Variants in STRN observed in about 807,000 individuals in gnomAD.
STRN encodes the protein striatin.
Under a neutral mutation model 96.3 loss-of-function variants are expected in STRN, and 53 were observed. That is an observed-to-expected ratio of 0.55 (90% CI 0.44 to 0.69). The LOEUF is 0.69. STRN is among the 30% of genes least tolerant of loss of function. The pLI is 0.00. For missense variants in STRN, 987 were observed against 963.9 expected (o/e 1.02, Z -0.32); for synonymous variants, 428 against 355.9 (o/e 1.20, Z -2.28).
intron 1 of STRN, among the ~76,000 whole-genome samples, chr2:36,944,802 G>T (rs1670937914): frequency 6.6e-6 from 1 of 152,154 alleles, no homozygotes; most frequent in Non-Finnish European, 1.5e-5. Context: ...ACATACTATG[G>T]AAGAGATGCT....
In STRN at chr2:36,866,162, C is replaced by G. The variant is rs1235271049; in HGVS notation, c.1547+1652G>C. Among the ~76,000 whole-genome samples the G allele has an allele frequency of 2.6e-5, 4 of 152,198 alleles. No homozygotes were observed. The South Asian group carries it at 8.3e-4, about 32-fold the overall frequency. ...TGACCTCAGCTCACTGCAAACTCCA[C>G]CTCCCGGGCTCAATTCATCCTCCCA... On this transcript the variant is annotated intron_variant, in intron 12 of 17. Coordinates refer to ENST00000263918, the MANE Select transcript of STRN (RefSeq NM_003162.4).
chr2:36,940,140 T>C (rs889612537), intron 1 of STRN, among the ~76,000 whole-genome samples: 4 of 152,224 alleles, frequency 2.6e-5, no homozygotes, highest in Non-Finnish European at 5.9e-5. Context: ...TTCTGATTAC[T>C]GAAGAAATGA....
At chr2:36,892,018 T>TA (rs1163666688) in intron 7 of STRN, among the ~76,000 whole-genome samples, 8 of 152,138 alleles carry the variant, frequency 5.3e-5, no homozygotes, top group Non-Finnish European at 1.2e-4. Context: ...ACTAAAAACG[T>TA]AAAAAAAGTT....
At chr2:36,958,025 T>C (rs1247901907) in intron 1 of STRN, among the ~76,000 whole-genome samples, 1 of 151,552 alleles carries the variant, frequency 6.6e-6, no homozygotes, top group African/African-American at 2.4e-5. Context: ...GTTCAAGTGA[T>C]TCTCCTGCCT....
At chr2:36,915,294 G>C (rs1467812005) in intron 3 of STRN, among the ~76,000 whole-genome samples, 1 of 127,768 alleles carries the variant, frequency 7.8e-6, no homozygotes, top group African/African-American at 2.8e-5. Context: ...CACAAGGTAC[G>C]TATTTCAGTA....
chr2:36,878,445 G>C (rs1668972819), intron 9 of STRN, among the ~76,000 whole-genome samples: 1 of 152,074 alleles, frequency 6.6e-6, no homozygotes, highest in Non-Finnish European at 1.5e-5. Context: ...GAAGAATATA[G>C]AAAATTTCAA....
At chr2:36,934,369 T>C (rs554898282) in intron 1 of STRN, among the ~76,000 whole-genome samples, 21 of 152,246 alleles carry the variant, frequency 1.4e-4, no homozygotes, top group African/African-American at 4.3e-4. Flanking sequence ...GTAAGAAACA[T>C]AACATTACTC....
Position 36,840,994 on chromosome 2 carries a change from T to C in STRN, c.*8462A>G, listed in dbSNP as rs1006208729. 3.3e-5 allele frequency: 5 copies of C among 152,094 alleles called. No individual in the cohort carries two copies. Among genetic ancestry groups the C allele is most frequent in the African/African-American group, 9.7e-5 (4 of 41,406 alleles). 9.4% of individuals were successfully genotyped at this position (152,094 alleles called of 1,614,324 possible). On this transcript the variant is annotated 3_prime_UTR_variant, in exon 18 of 18. Coordinates refer to ENST00000263918, the MANE Select transcript of STRN (RefSeq NM_003162.4). ...TTATTAGCAGAGGCAAGCTATACTA[T>C]CAATTGGACACCTCAAGGGCACAAA... is the stretch of plus-strand genomic sequence containing the variant.
At position 36,846,098 on chromosome 2, in the gene STRN, A is replaced by G. The variant is rs1168862942; in HGVS notation, c.*3358T>C. On this transcript the variant is annotated 3_prime_UTR_variant, in exon 18 of 18. Transcript: ENST00000263918. ...CTTGATGATATTTGTTTTTGTTAAA[A>G]AGTCTGAATGTTCAATGGAAATAGT... 6.7e-6 allele frequency: 1 copy of G among 149,722 alleles called. No individual in the cohort carries two copies. Among genetic ancestry groups the G allele is most frequent in the Non-Finnish European group, 1.5e-5 (1 of 67,706 alleles). 9.3% of individuals were successfully genotyped at this position (149,722 alleles called of 1,614,324 possible). A position where few individuals can be genotyped will look rare whatever the true frequency, so the allele number is the denominator to read the frequency against.
At chr2:36,941,308 T>C (rs897492795) in intron 1 of STRN, among the ~76,000 whole-genome samples, 2 of 152,226 alleles carry the variant, frequency 1.3e-5, no homozygotes, top group South Asian at 2.1e-4. Flanking sequence ...TATAAAGCTA[T>C]GTGCAGACTC....
chr2:36,881,619 G>A (rs1669072686), intron 9 of STRN, among the ~76,000 whole-genome samples: 1 of 152,094 alleles, frequency 6.6e-6, no homozygotes, highest in African/African-American at 2.4e-5. Flanking sequence ...GAAGGCTTAG[G>A]ACCACTGCTG....
intron 10 of STRN, among the ~76,000 whole-genome samples, chr2:36,877,640 A>G (rs1188529515): frequency 1.3e-5 from 2 of 151,740 alleles, no homozygotes; most frequent in African/African-American, 2.4e-5. Context: ...GGCTCAAGCA[A>G]TTCTCCTGCC....
chr2:36,899,410 T>G, intron 6 of STRN, 113 bp downstream of exon 6: 3 of 1,046,698 alleles, frequency 2.9e-6, no homozygotes, highest in Non-Finnish European at 3.8e-6. Flanking sequence ...TCCAAATTCA[T>G]GAAAAAGAAA....
At chr2:36,873,094 A>C (rs1668807448) in intron 10 of STRN, among the ~76,000 whole-genome samples, 1 of 152,182 alleles carries the variant, frequency 6.6e-6, no homozygotes, top group African/African-American at 2.4e-5. Flanking sequence ...TTGGGTTATG[A>C]TTTCAAAGGG....
chr2:36,933,011 GTTCC>G (rs1356315132), intron 1 of STRN, among the ~76,000 whole-genome samples: 2 of 150,946 alleles, frequency 1.3e-5, no homozygotes, highest in East Asian at 3.9e-4. Flanking sequence ...CTTTATAAAT[GTTCC>G]TTATGTTTGC....
intron 12 of STRN, chr2:36,867,318 TC>T (rs779477887): frequency 2.6e-5 from 4 of 151,566 alleles, no homozygotes; most frequent in Non-Finnish European, 5.9e-5. Context: ...TAAAACCTTG[TC>T]TCCACTGGAT....
At chr2:36,891,279 C>T (rs1209991008) in intron 7 of STRN, among the ~76,000 whole-genome samples, 1 of 152,166 alleles carries the variant, frequency 6.6e-6, no homozygotes, top group African/African-American at 2.4e-5. Context: ...GTAATCCCAG[C>T]GCTTTGGGAG....
In STRN at chr2:36,922,389, T is replaced by C. The variant is rs181554872; in HGVS notation, c.338+2716A>G. ...AAAAATTTATCTGTGTGGACTGGAG[T>C]ATATCTGTATTCCCAGCCACTTGGG... On this transcript the variant is annotated intron_variant, in intron 2 of 17. Transcript: ENST00000263918. Among the ~76,000 whole-genome samples the C allele has an allele frequency of 2.0e-5, 3 of 151,522 alleles. No individual in the cohort carries two copies. The East Asian group carries it at 5.8e-4, about 29-fold the overall frequency.
chr2:36,862,037 T>C (rs1248073348), intron 12 of STRN, among the ~76,000 whole-genome samples: 1 of 152,190 alleles, frequency 6.6e-6, no homozygotes, highest in African/African-American at 2.4e-5. Context: ...TGGTTTTCTG[T>C]TCCTGCATTA....
Sources: allele counts gnomAD v4.1 joint callset (sites outside exome capture counted in the v4.1 genomes callset), GRCh38; gene constraint gnomAD v4.1.1; transcripts MANE v1.5; gene names NCBI Gene and HGNC (gene_info 2026-07-23, HGNC 2026-07-21).